The following GRIN2D variants were observed in gnomAD, a reference collection of about 807,000 sequenced individuals.
The protein encoded by GRIN2D is glutamate ionotropic receptor NMDA type subunit 2D.
A neutral mutation model predicts 103.2 loss-of-function variants in GRIN2D; 37 were observed. The ratio of observed to expected loss-of-function variants is 0.36; its 90% CI spans 0.28 to 0.47. GRIN2D has a LOEUF of 0.47. Among genes scored for constraint, GRIN2D ranks in the 20% least tolerant of loss-of-function variants. The pLI is 1.00. For synonymous variants in GRIN2D, 845 were observed against 885.6 expected (o/e 0.95, Z 0.81); for missense variants, 1,557 against 1,910.6 (o/e 0.81, Z 3.45).
chr19:48,428,352 C>A (rs935100498), intron 11 of GRIN2D, among the ~76,000 whole-genome samples: 1 of 147,704 alleles, frequency 6.8e-6, no homozygotes, highest in African/African-American at 2.5e-5. Flanking sequence ...CCCCCCTCCC[C>A]CTCCCCGCTT....
At chr19:48,408,564 A>T (rs1970818650) in intron 4 of GRIN2D, among the ~76,000 whole-genome samples, 1 of 151,990 alleles carries the variant, frequency 6.6e-6, no homozygotes, top group Non-Finnish European at 1.5e-5. Flanking sequence ...CACACCTGTA[A>T]TCTCAGGGCT....
intron 3 of GRIN2D, among the ~76,000 whole-genome samples, chr19:48,400,798 G>C (rs1052867873): frequency 2.0e-5 from 3 of 152,156 alleles, no homozygotes; most frequent in African/African-American, 7.2e-5. Context: ...AGGTGCACTG[G>C]CTCACACCTG....
At position 48,394,278 on chromosome 19, in the gene GRIN2D, A is replaced by G. The variant is rs1970604976; in HGVS notation, c.-305-380A>G. Among the ~76,000 whole-genome samples the G allele has an allele frequency of 6.6e-6, 1 of 151,040 alleles. No homozygotes were observed. Among genetic ancestry groups the G allele is most frequent in the African/African-American group, 2.4e-5 (1 of 41,010 alleles). On this transcript the variant is annotated intron_variant, in intron 1 of 13. Coordinates refer to ENST00000263269, the MANE Select transcript of GRIN2D (RefSeq NM_000836.4). This position sits in a 1 kb window ranked among gnomAD's most constrained non-coding sequence, Gnocchi z 5.1. ...AGATCGTGCGTGTGTGCGTGAGTGTATGTGTGTTTCTGCCTGTGTTTGAGA... is the reference window on the plus strand; with the variant it reads ...AGATCGTGCGTGTGTGCGTGAGTGTGTGTGTGTTTCTGCCTGTGTTTGAGA...
chr19:48,411,493 T>C (rs1362214901), intron 4 of GRIN2D, among the ~76,000 whole-genome samples: 1 of 151,134 alleles, frequency 6.6e-6, no homozygotes, highest in Non-Finnish European at 1.5e-5. Context: ...CTACTAAAAA[T>C]ACAAAATTAG....
At position 48,414,429 on chromosome 19, in the gene GRIN2D, T is replaced by C. The variant is rs1970916555; in HGVS notation, c.1257T>C (p.Tyr419=). 2 of 1,610,276 alleles carry C rather than the reference T, an allele frequency of 1.2e-6. No homozygotes were observed. The highest frequency in any genetic ancestry group is 2.2e-5 in the East Asian group (1 of 44,778). ...LRLKYPLWSR[Y]GRFLQPVDDT... Reference sequence around the variant, plus strand: ...TCAAGTACCCGCTGTGGTCCCGCTATGGTCGCTTCCTGCAGCCAGTGGACG... The same window carrying C: ...TCAAGTACCCGCTGTGGTCCCGCTACGGTCGCTTCCTGCAGCCAGTGGACG... The change falls in exon 6 of 14, where the codon TAT becomes TAC. Residue 419 remains tyrosine (Y), a synonymous_variant. Transcript: ENST00000263269. This position sits in a 1 kb window ranked among gnomAD's most constrained non-coding sequence, Gnocchi z 4.6.
rs1971311178 is a variant in GRIN2D at position 48,442,600 on chromosome 19, G to A, written c.2674G>A (p.Gly892Ser). ...RMDFLLAFSR[G>S]MYSCCSAEAA... ...CCCCGTCCTGTCCCCGGACCCGCAG[G>A]GCATGTACAGCTGCTGCAGCGCTGA... The change falls in exon 14 of 14, where the codon GGC becomes AGC. Residue 892 changes from glycine to serine, a missense_variant and splice_region_variant. Physicochemically the swap from Gly to Ser is moderately conservative, Grantham distance 56. Coordinates refer to ENST00000263269, the MANE Select transcript of GRIN2D (RefSeq NM_000836.4). This position sits in a 1 kb window ranked among gnomAD's most constrained non-coding sequence, Gnocchi z 7.2. The A allele has an allele frequency of 6.6e-7, 1 of 1,510,260 alleles. No homozygotes were observed. Among genetic ancestry groups the A allele is most frequent in the Non-Finnish European group, 8.8e-7 (1 of 1,134,278 alleles). 93.6% of individuals were successfully genotyped at this position (1,510,260 alleles called of 1,614,324 possible).
In GRIN2D at chr19:48,443,667, G is replaced by A; in HGVS notation, c.3741G>A (p.Ala1247=). Reference sequence around the variant, plus strand: ...CGCACCGCACGCCCGCCGCCGCCGCGCCCCACCACCACAGGCACCGGCGCG... The same window carrying A: ...CGCACCGCACGCCCGCCGCCGCCGCACCCCACCACCACAGGCACCGGCGCG... ...RASHRTPAAA[A]PHHHRHRRAA... Residue 1247 remains alanine (A), a synonymous_variant, in exon 14 of 14, where the codon GCG becomes GCA. Coordinates refer to ENST00000263269, the MANE Select transcript of GRIN2D (RefSeq NM_000836.4). This position sits in a 1 kb window ranked among gnomAD's most constrained non-coding sequence, Gnocchi z 8.9. 1 of 1,185,804 alleles carries A rather than the reference G, an allele frequency of 8.4e-7. No individual in the cohort carries two copies. Among genetic ancestry groups the A allele is most frequent in the Non-Finnish European group, 1.0e-6 (1 of 960,898 alleles). The allele number at this position is 1,185,804 out of a possible 1,614,324, so 73.5% of individuals were successfully genotyped here.
intron 4 of GRIN2D, among the ~76,000 whole-genome samples, chr19:48,410,459 C>T (rs1233177324): frequency 1.5e-5 from 2 of 133,198 alleles, no homozygotes; most frequent in Admixed American, 9.0e-5. Flanking sequence ...ACCCAGGAGA[C>T]GGAGGTTGCA....
intron 3 of GRIN2D, among the ~76,000 whole-genome samples, chr19:48,400,655 G>A (rs1970700580): frequency 6.6e-6 from 1 of 152,148 alleles, no homozygotes. Flanking sequence ...GCTGCCCCTG[G>A]ATGGAAGAAA....
At chr19:48,423,568 G>A (rs574875603) in intron 11 of GRIN2D, among the ~76,000 whole-genome samples, 2 of 152,252 alleles carry the variant, frequency 1.3e-5, no homozygotes, top group South Asian at 4.2e-4. Flanking sequence ...TAGCCAGGTG[G>A]ACTTCCGGAA....
intron 11 of GRIN2D, among the ~76,000 whole-genome samples, chr19:48,432,916 G>A (rs547669609): frequency 4.1e-4 from 62 of 150,548 alleles, no homozygotes; most frequent in African/African-American, 6.6e-4. Flanking sequence ...TCAGCCTCCC[G>A]AGTAGCTGGT....
At chr19:48,426,728 G>GCA (rs1335686300) in intron 11 of GRIN2D, among the ~76,000 whole-genome samples, 2 of 151,780 alleles carry the variant, frequency 1.3e-5, no homozygotes, top group East Asian at 3.9e-4. Context: ...GGGATTACAG[G>GCA]CACACACCAC....
chr19:48,443,017 C>T lies in GRIN2D; in HGVS notation c.3091C>T (p.Pro1031Ser), dbSNP rs1971321314. Residue 1031 changes from proline (P) to serine (S), a missense_variant, in exon 14 of 14, where the codon CCC becomes TCC. Coordinates refer to ENST00000263269, the MANE Select transcript of GRIN2D (RefSeq NM_000836.4). This position sits in a 1 kb window ranked among gnomAD's most constrained non-coding sequence, Gnocchi z 8.9. ...CGCCTTCCCCGGCTTCCCGTCGCCGCCCGCGCCCCCCGCCGCCGCGGCCAC... is the reference window on the plus strand; with the variant it reads ...CGCCTTCCCCGGCTTCCCGTCGCCGTCCGCGCCCCCCGCCGCCGCGGCCAC... ...AGAFPGFPSP[P>S]APPAAAATAV... is the part of the protein sequence containing the mutation. 5.6e-6 allele frequency: 6 copies of T among 1,065,554 alleles called. No individual in the cohort carries two copies. The highest frequency in any genetic ancestry group is 6.8e-6 in the Non-Finnish European group (6 of 884,558). 66.0% of individuals were successfully genotyped at this position (1,065,554 alleles called of 1,614,324 possible).
At chr19:48,408,966 A>T (rs1600974453) in intron 4 of GRIN2D, among the ~76,000 whole-genome samples, 1 of 152,130 alleles carries the variant, frequency 6.6e-6, no homozygotes, top group East Asian at 1.9e-4. Flanking sequence ...TGTTGCTATG[A>T]CAGAATATCA....
At chr19:48,410,120 G>A (rs527615083) in intron 4 of GRIN2D, among the ~76,000 whole-genome samples, 2 of 151,488 alleles carry the variant, frequency 1.3e-5, no homozygotes, top group East Asian at 3.9e-4. Context: ...GAGTTCACCG[G>A]AAATAGTATT....
chr19:48,414,375 G>T lies in GRIN2D; in HGVS notation c.1203G>T (p.Val401=). The T allele has an allele frequency of 6.2e-7, 1 of 1,602,736 alleles. No individual in the cohort carries two copies. Among genetic ancestry groups the T allele is most frequent in the Non-Finnish European group, 8.5e-7 (1 of 1,175,994 alleles). ...SLTRDRTWEV[V]GSWEQQTLRL... ...GACTCTCTTTCCCTTTGGCCAAGGT[G>T]GGCAGCTGGGAGCAGCAGACGCTCC... Residue 401 remains valine (V), a splice_region_variant and synonymous_variant, in exon 6 of 14, where the codon GTG becomes GTT. Coordinates refer to ENST00000263269, the MANE Select transcript of GRIN2D (RefSeq NM_000836.4). The surrounding 1 kb of genome is among the most constrained non-coding windows in gnomAD (Gnocchi z 4.6).
chr19:48,409,327 G>T (rs2147445622), intron 4 of GRIN2D, among the ~76,000 whole-genome samples: 1 of 149,356 alleles, frequency 6.7e-6, no homozygotes, highest in Non-Finnish European at 1.5e-5. Flanking sequence ...TGCCCAGGCG[G>T]GAGTGCAGTG....
rs764741925 is a variant in GRIN2D at position 48,404,774 on chromosome 19, A to G, written c.506A>G (p.Glu169Gly). 7 of 1,613,058 alleles carry G rather than the reference A, an allele frequency of 4.3e-6. No individual in the cohort carries two copies. Among genetic ancestry groups the G allele is most frequent in the Non-Finnish European group, 5.9e-6 (7 of 1,179,280 alleles). Residue 169 changes from glutamate (E) to glycine (G), a missense_variant, in exon 4 of 14, where the codon GAG becomes GGG. Physicochemically the swap from Glu to Gly is moderately conservative, Grantham distance 98 (BLOSUM62 -2). This residue lies in a region of GRIN2D where 490 missense variants were observed against 601.1 expected (regional missense o/e 0.82). Transcript: ENST00000263269. Reference sequence around the variant, plus strand: ...TTCCTGCAGCTGGGCTCTTCCACCGAGCAACAGCTTCAGGTCATCTTTGAG... The same window carrying G: ...TTCCTGCAGCTGGGCTCTTCCACCGGGCAACAGCTTCAGGTCATCTTTGAG... ...STFLQLGSST[E>G]QQLQVIFEVL...
At position 48,444,002 on chromosome 19, in the gene GRIN2D, A is replaced by G. The variant is rs1971347919; in HGVS notation, c.*65A>G. ...GGCCACGGCCCGAGGGGGCGCCCGC[A>G]GTGGACAGGACCCGCGTGGGTTGGG... On this transcript the variant is annotated 3_prime_UTR_variant, in exon 14 of 14. Transcript: ENST00000263269. The surrounding 1 kb of genome is among the most constrained non-coding windows in gnomAD (Gnocchi z 5.5). The G allele has an allele frequency of 2.9e-5, 32 of 1,086,192 alleles. No individual in the cohort carries two copies. Among genetic ancestry groups the G allele is most frequent in the Non-Finnish European group, 3.8e-5 (31 of 820,902 alleles). 67.3% of individuals were successfully genotyped at this position (1,086,192 alleles called of 1,614,324 possible).
Sources: gnomAD v4.1 joint callset for allele counts (sites outside exome capture counted in the v4.1 genomes callset) on GRCh38, gnomAD v4.1.1 for gene constraint, gnomAD v4.1.1 regional missense constraint, Gnocchi (gnomAD v3.1) non-coding constraint, MANE v1.5 for transcripts, NCBI Gene and HGNC (gene_info 2026-07-23, HGNC 2026-07-21) for gene names.